Variants in ARHGEF3 observed in about 807,000 individuals in gnomAD.
The protein encoded by ARHGEF3 is Rho guanine nucleotide exchange factor 3.
Under a neutral mutation model 63.2 loss-of-function variants are expected in ARHGEF3, and 28 were observed. That is an observed-to-expected ratio of 0.44 (90% confidence interval 0.33 to 0.61). ARHGEF3 has a LOEUF of 0.61. ARHGEF3 is among the 20% of genes least tolerant of loss of function. The pLI is 0.03. For missense variants in ARHGEF3, 533 were observed against 659.3 expected (o/e 0.81, Z 2.10); for synonymous variants, 266 against 254.2 (o/e 1.05, Z -0.44).
intron 6 of ARHGEF3, among the ~76,000 whole-genome samples, chr3:56,746,556 C>T (rs1283209668): frequency 6.6e-6 from 1 of 152,074 alleles, no homozygotes; most frequent in African/African-American, 2.4e-5. Context: ...ATGGTGAAAC[C>T]CCATCTCTAC....
At chr3:57,036,846 T>G (rs1703984605) in intron 1 of ARHGEF3, among the ~76,000 whole-genome samples, 2 of 152,198 alleles carry the variant, frequency 1.3e-5, no homozygotes, top group Non-Finnish European at 2.9e-5. Context: ...ATCACAGGCC[T>G]GCTTGGCCAT....
chr3:56,880,550 G>A (rs1471929437), intron 4 of ARHGEF3, among the ~76,000 whole-genome samples: 1 of 152,132 alleles, frequency 6.6e-6, no homozygotes, highest in Non-Finnish European at 1.5e-5. Context: ...TGTAAGACAA[G>A]GCATAATCTT....
At chr3:56,912,795 G>C (rs1287221984) in intron 3 of ARHGEF3, among the ~76,000 whole-genome samples, 1 of 152,190 alleles carries the variant, frequency 6.6e-6, no homozygotes, top group Non-Finnish European at 1.5e-5. Flanking sequence ...AGTGAGGTGA[G>C]TGAGATGGGG....
At position 56,755,103 on chromosome 3, in the gene ARHGEF3, G is replaced by A; in HGVS notation, c.253C>T (p.Arg85Ter). 1.2e-6 allele frequency: 2 copies of A among 1,613,870 alleles called. No individual in the cohort carries two copies. Among genetic ancestry groups the A allele is most frequent in the Non-Finnish European group, 1.7e-6 (2 of 1,180,010 alleles). The change falls in exon 3 of 10, where the codon CGA (arginine) becomes TGA (stop). Residue 85 changes from arginine (R) to a stop codon, truncating the protein, a stop_gained. Coordinates refer to ENST00000296315, the MANE Select transcript of ARHGEF3 (RefSeq NM_019555.3). LOFTEE classifies it high-confidence loss of function. The stretch of plus-strand genomic sequence containing the variant: ...GGGGCGGCATTTCTGGACCAGGGTC[G>A]GGGGGCGAGGATGTCAGGGCGGCTC... Reference protein sequence around the residue: ...SESRPDILAPRPWSRNAAPSS... With the variant: ...SESRPDILAP
chr3:56,898,637 A>G (rs1488013367), intron 3 of ARHGEF3: 2 of 263,128 alleles, frequency 7.6e-6, no homozygotes, highest in South Asian at 3.0e-5. Flanking sequence ...TCCCTGGAAG[A>G]ACTGGTGGGG....
intron 1 of ARHGEF3, among the ~76,000 whole-genome samples, chr3:56,776,579 A>G (rs2036295775): frequency 6.6e-6 from 1 of 152,226 alleles, no homozygotes; most frequent in East Asian, 1.9e-4. Flanking sequence ...AGATTAAAAA[A>G]ATTCCTGGCC....
At chr3:57,014,040 C>G (rs9854157) in intron 2 of ARHGEF3, among the ~76,000 whole-genome samples, 4 of 152,088 alleles carry the variant, frequency 2.6e-5, no homozygotes, top group Admixed American at 2.6e-4. Context: ...TAACACTCAC[C>G]GCGAAGGTCT....
At chr3:56,833,305 A>C (rs1001180155) in intron 4 of ARHGEF3, among the ~76,000 whole-genome samples, 2 of 152,148 alleles carry the variant, frequency 1.3e-5, no homozygotes, top group African/African-American at 2.4e-5. Flanking sequence ...AGTGGGTATG[A>C]GGGATAATTG....
At chr3:56,801,018 C>A (rs1411070804) in intron 1 of ARHGEF3, among the ~76,000 whole-genome samples, 1 of 152,248 alleles carries the variant, frequency 6.6e-6, no homozygotes, top group African/African-American at 2.4e-5. Context: ...CCGCAAGGCA[C>A]AGGAAAGTTC....
intron 4 of ARHGEF3, among the ~76,000 whole-genome samples, chr3:56,813,821 C>T (rs756974049): frequency 6.6e-6 from 1 of 152,060 alleles, no homozygotes; most frequent in Non-Finnish European, 1.5e-5. Flanking sequence ...AGTTATGGGC[C>T]CCAAACACCA....
intron 2 of ARHGEF3, among the ~76,000 whole-genome samples, chr3:56,756,659 C>G (rs992629379): frequency 4.7e-5 from 7 of 150,398 alleles, no homozygotes; most frequent in African/African-American, 1.7e-4. Flanking sequence ...ACGCCACTCT[C>G]TTGCTTCAGC....
At chr3:56,814,703 T>C (rs1206213968) in intron 4 of ARHGEF3, among the ~76,000 whole-genome samples, 1 of 152,164 alleles carries the variant, frequency 6.6e-6, no homozygotes, top group Non-Finnish European at 1.5e-5. Context: ...AGGTGGAATT[T>C]GGAGAACTTT....
intron 2 of ARHGEF3, among the ~76,000 whole-genome samples, chr3:56,966,437 A>G (rs527682926): frequency 6.6e-6 from 1 of 152,352 alleles, no homozygotes; most frequent in African/African-American, 2.4e-5. Context: ...GTCTTTTACT[A>G]TGAAAATATA....
At chr3:57,064,260 G>A (rs967568293) in intron 1 of ARHGEF3, among the ~76,000 whole-genome samples, 2 of 151,926 alleles carry the variant, frequency 1.3e-5, no homozygotes, top group African/African-American at 4.8e-5. Context: ...GTGAGGCCCC[G>A]TCTCAAAAAA....
intron 1 of ARHGEF3, among the ~76,000 whole-genome samples, chr3:56,781,524 G>A (rs1018974082): frequency 1.3e-4 from 20 of 152,136 alleles, no homozygotes; most frequent in African/African-American, 4.3e-4. Context: ...GGGATTACAG[G>A]TGTGAGCCAC....
Position 57,048,481 on chromosome 3 carries a change from G to A in ARHGEF3, c.-27-13305C>T, listed in dbSNP as rs190535941. 8.5e-5 allele frequency among the ~76,000 whole-genome samples: 13 copies of A among 152,272 alleles called. No homozygotes were observed. In the East Asian group the frequency reaches 1.2e-3, roughly 14 times the overall value. On this transcript the variant is annotated intron_variant, in intron 1 of 12. Coordinates refer to the ARHGEF3 transcript ENST00000338458. Reference sequence around the variant, plus strand: ...CCATCTGGAAATGTGCAGGGAGATCGGGTGAAGGAGGACCCCTCCATTTGG... The same window carrying A: ...CCATCTGGAAATGTGCAGGGAGATCAGGTGAAGGAGGACCCCTCCATTTGG...
At chr3:56,857,877 C>G (rs1246575849) in intron 4 of ARHGEF3, among the ~76,000 whole-genome samples, 1 of 152,186 alleles carries the variant, frequency 6.6e-6, no homozygotes, top group Non-Finnish European at 1.5e-5. Context: ...ATGCTTTAGC[C>G]TTTGCATAGC....
At chr3:56,894,211 C>T (rs1340933508) in intron 3 of ARHGEF3, among the ~76,000 whole-genome samples, 1 of 152,292 alleles carries the variant, frequency 6.6e-6, no homozygotes, top group East Asian at 1.9e-4. Context: ...TGAGCTCAGT[C>T]TTGTACACTG....
At chr3:56,770,215 C>T (rs1420655431) in intron 2 of ARHGEF3, among the ~76,000 whole-genome samples, 1 of 151,996 alleles carries the variant, frequency 6.6e-6, no homozygotes, top group African/African-American at 2.4e-5. Flanking sequence ...AGTCTGAGAC[C>T]AGCCTGGCCA....
Sources: gnomAD v4.1 joint callset for allele counts (sites outside exome capture counted in the v4.1 genomes callset) on GRCh38, gnomAD v4.1.1 for gene constraint, MANE v1.5 for transcripts, NCBI Gene and HGNC (gene_info 2026-07-23, HGNC 2026-07-21) for gene names.